Variants in MRPS30 observed in about 807,000 individuals in gnomAD.
MRPS30 encodes the protein large ribosomal subunit protein mL65.
Under a neutral mutation model 43.8 loss-of-function variants are expected in MRPS30, and 42 were observed. The observed-to-expected ratio is 0.96, with a 90% confidence interval of 0.75 to 1.24. MRPS30 has a LOEUF of 1.24. Ranked by LOEUF, MRPS30 falls within the 50% of genes most tolerant of loss-of-function variation. MRPS30 has a pLI of 0.00. For missense variants in MRPS30, 638 were observed against 570.0 expected (o/e 1.12, Z -1.22); for synonymous variants, 273 against 228.2 (o/e 1.20, Z -1.77).
intron 1 of MRPS30, 137 bp from the exon 2 acceptor site, chr5:44,810,872 A>T: frequency 1.4e-6 from 1 of 696,296 alleles, no homozygotes; most frequent in South Asian, 2.4e-5. Flanking sequence ...TAATAGTTAA[A>T]TTACCACATA....
intron 3 of MRPS30, 85 bp downstream of exon 3, chr5:44,812,105 TA>T: frequency 1.1e-6 from 1 of 926,990 alleles, no homozygotes; most frequent in Non-Finnish European, 1.6e-6. Flanking sequence ...AATGAGGAAT[TA>T]ATTCTCGAAG....
rs1742899638 is a variant in MRPS30 at position 44,815,149 on chromosome 5, C to A, written c.1267C>A (p.His423Asn). The change falls in exon 5 of 5, where the codon CAC (histidine) becomes AAC (asparagine). Residue 423 changes from histidine (H) to asparagine (N), a missense_variant. Coordinates refer to ENST00000507110, the MANE Select transcript of MRPS30 (RefSeq NM_016640.4). ...TGATGATGTTCTACTTCAGATAGTT[C>A]ACTTTCTACTGAATAGACCAAAAGA... ...FNDDVLLQIV[H>N]FLLNRPKEEK... 1.9e-6 allele frequency: 3 copies of A among 1,612,310 alleles called. No homozygotes were observed. The highest frequency in any genetic ancestry group is 2.7e-5 in the African/African-American group (2 of 74,882).
intron 4 of MRPS30, among the ~76,000 whole-genome samples, chr5:44,814,553 G>A (rs1362524004): frequency 6.6e-6 from 1 of 152,186 alleles, no homozygotes; most frequent in Non-Finnish European, 1.5e-5. Context: ...TAAAATACGT[G>A]TGGAGAAATA....
chr5:44,812,729 A>C (rs902161451), intron 3 of MRPS30, among the ~76,000 whole-genome samples: 1 of 152,100 alleles, frequency 6.6e-6, no homozygotes, highest in East Asian at 1.9e-4. Flanking sequence ...TTCATTAAAT[A>C]AGTTATTAAA....
intron 1 of MRPS30, 110 bp from the exon 2 acceptor site, chr5:44,810,894 TACCTC>T (rs1032083293): frequency 1.1e-6 from 1 of 885,130 alleles, no homozygotes; most frequent in African/African-American, 1.7e-5. Context: ...CCCAGACTCT[TACCTC>T]AATCATTCCT....
intron 3 of MRPS30, 112 bp from the exon 4 acceptor site, chr5:44,812,994 T>G: frequency 1.2e-6 from 1 of 857,392 alleles, no homozygotes; most frequent in African/African-American, 1.8e-5. Flanking sequence ...GTATTTAGAG[T>G]ACTGAGAATA....
chr5:44,812,082 G>T, intron 3 of MRPS30, 62 bp downstream of exon 3: 1 of 1,149,748 alleles, frequency 8.7e-7, no homozygotes, highest in Non-Finnish European at 1.3e-6. Flanking sequence ...TGCAAATTTG[G>T]AGTATTGACT....
At chr5:44,811,773 G>T (rs1024749440) in intron 2 of MRPS30, 142 bp from the exon 3 acceptor site, 1 of 538,894 alleles carries the variant, frequency 1.9e-6, no homozygotes, top group Non-Finnish European at 3.3e-6. Flanking sequence ...TGGCTTGCTC[G>T]ATTTGGCCCA....
Position 44,815,047 on chromosome 5 carries a change from C to T in MRPS30, c.1165C>T (p.Arg389Cys), listed in dbSNP as rs61754778. ...TACACAAGCTGATCAAAATAACCCT[C>T]GTAAAAATATATGTTGGGGTACACA... ...LTTQADQNNPRKNICWGTQSK... is the reference protein window; with the variant it reads ...LTTQADQNNPCKNICWGTQSK... The change falls in exon 5 of 5, where the codon CGT becomes TGT. Residue 389 changes from arginine (R) to cysteine (C), a missense_variant. Arg to Cys is a radical substitution (Grantham distance 180, BLOSUM62 -3). Transcript: ENST00000507110. The T allele has an allele frequency of 5.6e-6, 9 of 1,613,736 alleles. No homozygotes were observed. The Admixed American group carries it at 6.7e-5, about 12-fold the overall frequency.
At chr5:44,813,394 A>G (rs1392165758) in intron 4 of MRPS30, 112 bp downstream of exon 4, 2 of 928,164 alleles carry the variant, frequency 2.2e-6, no homozygotes, top group Non-Finnish European at 3.0e-6. Context: ...TAACATTTTT[A>G]AACTTTTGCA....
At position 44,809,332 on chromosome 5, in the gene MRPS30, G is replaced by A. The variant is rs1366258674; in HGVS notation, c.370G>A (p.Glu124Lys). ...FLSGLPPPPA[E>K]PEPEPEPEPE... ...GTCGGGTCTGCCGCCGCCCCCAGCGGAGCCCGAGCCCGAGCCCGAACCCGA... is the reference window on the plus strand; with the variant it reads ...GTCGGGTCTGCCGCCGCCCCCAGCGAAGCCCGAGCCCGAGCCCGAACCCGA... The change falls in exon 1 of 5, where the codon GAG (glutamate) becomes AAG (lysine). Residue 124 changes from glutamate (E) to lysine (K), a missense_variant. Coordinates refer to ENST00000507110, the MANE Select transcript of MRPS30 (RefSeq NM_016640.4). 10 of 1,606,036 alleles carry A rather than the reference G, an allele frequency of 6.2e-6. No individual in the cohort carries two copies. The Middle Eastern group carries it at 6.6e-4, about 106-fold the overall frequency.
chr5:44,814,855 G>A (rs1742893332), intron 4 of MRPS30, 58 bp from the exon 5 acceptor site: 1 of 1,461,604 alleles, frequency 6.8e-7, no homozygotes, highest in Non-Finnish European at 9.3e-7. Flanking sequence ...TAATGTGATT[G>A]TTTTGTTTGG....
intron 4 of MRPS30, 32 bp from the exon 5 acceptor site, chr5:44,814,881 T>C (rs1158334852): frequency 6.4e-7 from 1 of 1,557,412 alleles, no homozygotes; most frequent in Non-Finnish European, 8.7e-7. Context: ...ATATATTCTA[T>C]GTGTAAATTT....
chr5:44,813,842 G>A (rs1211608459), intron 4 of MRPS30, among the ~76,000 whole-genome samples: 1 of 152,144 alleles, frequency 6.6e-6, no homozygotes, highest in African/African-American at 2.4e-5. Flanking sequence ...TTTATAACTA[G>A]TGGTAATACT....
chr5:44,812,788 A>G (rs1238856217), intron 3 of MRPS30, among the ~76,000 whole-genome samples: 1 of 152,162 alleles, frequency 6.6e-6, no homozygotes, highest in Non-Finnish European at 1.5e-5. Context: ...GGAGACAACC[A>G]TAGCTAATCA....
At chr5:44,810,904 AT>A in intron 1 of MRPS30, 104 bp from the exon 2 acceptor site, 1 of 985,156 alleles carries the variant, frequency 1.0e-6, no homozygotes, top group South Asian at 1.7e-5. Flanking sequence ...TACCTCAATC[AT>A]TCCTAAGTTA....
chr5:44,814,585 A>G (rs1383100397), intron 4 of MRPS30, among the ~76,000 whole-genome samples: 2 of 152,216 alleles, frequency 1.3e-5, no homozygotes, highest in Non-Finnish European at 2.9e-5. Context: ...TGGCCTTGGT[A>G]ATTGGGTAAT....
intron 3 of MRPS30, among the ~76,000 whole-genome samples, chr5:44,812,252 A>G (rs1579857650): frequency 6.6e-6 from 1 of 152,196 alleles, no homozygotes; most frequent in Non-Finnish European, 1.5e-5. Flanking sequence ...GAAGTATTTA[A>G]CTTTAGAAAA....
Position 44,811,995 on chromosome 5 carries a change from G to T in MRPS30, c.828G>T (p.Arg276=), listed in dbSNP as rs1188889094. 5.0e-6 allele frequency: 8 copies of T among 1,599,284 alleles called. No homozygotes were observed. The highest frequency in any genetic ancestry group is 2.7e-5 in the African/African-American group (2 of 74,408). Residue 276 remains arginine, a synonymous_variant, in exon 3 of 5, where the codon CGG becomes CGT. Coordinates refer to ENST00000507110, the MANE Select transcript of MRPS30 (RefSeq NM_016640.4). ...CAGACAAACTTCCATTATTCAAACG[G>T]CAGTATGAAAACCACATATTTGTTG... is the stretch of plus-strand genomic sequence containing the variant. The part of the protein sequence containing the change: ...CKPDKLPLFK[R]QYENHIFVGS...
Sources: gnomAD v4.1 joint callset for allele counts (sites outside exome capture counted in the v4.1 genomes callset) on GRCh38, gnomAD v4.1.1 for gene constraint, MANE v1.5 for transcripts, NCBI Gene and HGNC (gene_info 2026-07-23, HGNC 2026-07-21) for gene names.